Variants in SENP3 observed in about 807,000 individuals in gnomAD.
SENP3 encodes the protein sentrin-specific protease 3.
In SENP3, 11 loss-of-function variants were observed where a neutral mutation model predicts 66.2. The observed-to-expected ratio is 0.17, with a 90% CI of 0.10 to 0.28. The LOEUF (loss-of-function observed/expected upper bound fraction) is 0.28, where lower values mean the gene tolerates loss of function less well. Ranked by LOEUF, SENP3 falls within the 10% of genes least tolerant of loss-of-function variation. The pLI, the probability that SENP3 is intolerant of heterozygous loss-of-function variation, is 1.00. For missense variants in SENP3, 548 were observed against 743.7 expected (o/e 0.74, Z 3.06); for synonymous variants, 292 against 277.6 (o/e 1.05, Z -0.52).
At chr17:7,571,338 G>A (rs1789422922) in intron 10 of SENP3, 35 bp from the exon 11 acceptor site, 1 of 1,462,464 alleles carries the variant, frequency 6.8e-7, no homozygotes, top group Admixed American at 1.7e-5. Context: ...TCCTGACACG[G>A]GGGGTTTCTC....
chr17:7,563,533 C>T lies in SENP3; in HGVS notation c.457C>T (p.Arg153Cys), dbSNP rs2071240989. The T allele has an allele frequency of 6.5e-7, 1 of 1,549,948 alleles. No individual in the cohort carries two copies. Among genetic ancestry groups the T allele is most frequent in the Non-Finnish European group, 8.7e-7 (1 of 1,146,898 alleles). Residue 153 changes from arginine (R) to cysteine (C), a missense_variant, in exon 2 of 11, where the codon CGC (arginine) becomes TGC (cysteine). By Grantham distance (180) the Arg-to-Cys change is radical (BLOSUM62 -3). Around this residue, in one of 6 missense-constraint regions of SENP3, gnomAD observed 12 missense variants for 32.5 expected, o/e 0.37. Coordinates refer to ENST00000321337, the MANE Select transcript of SENP3 (RefSeq NM_015670.6). ...SLTFHWKLWG[R>C]HRGRRRGLAH... ...GACATTCCACTGGAAGCTTTGGGGG[C>T]GCCACCGGGGCCGGCGGCGGGGCCT...
Position 7,570,788 on chromosome 17 carries a change from T to C in SENP3, c.1563+24T>C. On this transcript the variant is annotated intron_variant, in intron 9 of 10. Transcript: ENST00000321337. This position sits in a 1 kb window ranked among gnomAD's most constrained non-coding sequence, Gnocchi z 5.4. ...TGGTGAGTTTCCTGAGGGAGGGGTA[T>C]AGGGTGTTGGTGGGGACAGTGGTAG... The C allele has an allele frequency of 6.2e-7, 1 of 1,606,446 alleles. No individual in the cohort carries two copies. Among genetic ancestry groups the C allele is most frequent in the Non-Finnish European group, 8.5e-7 (1 of 1,175,748 alleles).
At position 7,563,779 on chromosome 17, in the gene SENP3, G is replaced by A; in HGVS notation, c.703G>A (p.Asp235Asn). ...CAGGTGGACTCCAAAGTCTCCTCTG[G>A]ACCCTGACTCGGGTAAGGTGGGAAA... is the stretch of plus-strand genomic sequence containing the variant. ...GLRWTPKSPL[D>N]PDSGLLSCTL... is the part of the protein sequence containing the mutation. The change falls in exon 2 of 11, where the codon GAC becomes AAC. Residue 235 changes from aspartate (D) to asparagine (N), a missense_variant. By Grantham distance (23) the Asp-to-Asn change is conservative (BLOSUM62 1). Coordinates refer to ENST00000321337, the MANE Select transcript of SENP3 (RefSeq NM_015670.6). 1.3e-6 allele frequency: 2 copies of A among 1,509,992 alleles called. No individual in the cohort carries two copies. Among genetic ancestry groups the A allele is most frequent in the Non-Finnish European group, 1.8e-6 (2 of 1,114,930 alleles). 93.5% of individuals were successfully genotyped at this position (1,509,992 alleles called of 1,614,324 possible). A position where few individuals can be genotyped will look rare whatever the true frequency, so the allele number is the denominator to read the frequency against.
At chr17:7,564,130 G>T (rs551973799) in intron 2 of SENP3, among the ~76,000 whole-genome samples, 2 of 152,254 alleles carry the variant, frequency 1.3e-5, no homozygotes, top group East Asian at 3.9e-4. Context: ...AAGAACCCCC[G>T]TGTATACATC....
chr17:7,571,428 C>CTA lies in SENP3; in HGVS notation c.1670_1671insTA (p.Lys558ThrfsTer127). The CTA allele has an allele frequency of 6.2e-7, 1 of 1,608,380 alleles. No individual in the cohort carries two copies. The highest frequency in any genetic ancestry group is 8.5e-7 in the Non-Finnish European group (1 of 1,177,202). On this transcript the variant is annotated frameshift_variant, in exon 11 of 11. Coordinates refer to ENST00000321337, the MANE Select transcript of SENP3 (RefSeq NM_015670.6). LOFTEE classifies it high-confidence loss of function. ...TTCAGCTTCACCCAGCAGGACATGC[C>CTA]CAAACTTCGTCGGCAGATCTACAAG... is the stretch of plus-strand genomic sequence containing the variant.
rs2071312958 is a variant in SENP3, at chr17:7,571,360, T to C, written c.1615-13T>C. The C allele has an allele frequency of 6.2e-7, 1 of 1,604,846 alleles. No individual in the cohort carries two copies. The highest frequency in any genetic ancestry group is 1.7e-5 in the Admixed American group (1 of 59,920). On this transcript the variant is annotated splice_polypyrimidine_tract_variant and intron_variant, in intron 10 of 10. Transcript: ENST00000321337. ...ACGGGGGGTTTCTCATGGCTTGCTT[T>C]GTTAACACCCAGTACTGCAAGCATC...
rs60236248 is a variant in SENP3, at chr17:7,564,403, C to T, written c.716-222C>T. ...GCTAATCCTTTTTCTTTCTTCCTGTCTATGAGTAGGAACTCTCTCTCCATC... is the reference window on the plus strand; with the variant it reads ...GCTAATCCTTTTTCTTTCTTCCTGTTTATGAGTAGGAACTCTCTCTCCATC... On this transcript the variant is annotated intron_variant, in intron 2 of 10. Transcript: ENST00000321337. 401 of 724,832 alleles carry T rather than the reference C, an allele frequency of 5.5e-4. 2 individuals carry two copies. The East Asian group carries it at 8.6e-3, about 16-fold the overall frequency. The allele number at this position is 724,832 out of a possible 1,614,324, so 44.9% of individuals were successfully genotyped here.
Position 7,564,798 on chromosome 17 carries a change from G to A in SENP3, c.889G>A (p.Glu297Lys), listed in dbSNP as rs1363754973. 1 of 1,613,988 alleles carries A rather than the reference G, an allele frequency of 6.2e-7. No homozygotes were observed. Among genetic ancestry groups the A allele is most frequent in the Non-Finnish European group, 8.5e-7 (1 of 1,179,858 alleles). Residue 297 changes from glutamate to lysine, a missense_variant, in exon 3 of 11, where the codon GAG (glutamate) becomes AAG (lysine). Physicochemically the swap from Glu to Lys is moderately conservative, Grantham distance 56 (BLOSUM62 1). Transcript: ENST00000321337. ...GSDLGMAEEA[E>K]RPGEKAGQHS... ...AGATTTGGGCATGGCAGAAGAGGCAGAGAGGCCTGGGGAGAAAGCCGGCCA... is the reference window on the plus strand; with the variant it reads ...AGATTTGGGCATGGCAGAAGAGGCAAAGAGGCCTGGGGAGAAAGCCGGCCA...
chr17:7,569,952 C>T (rs1372974206), intron 7 of SENP3, among the ~76,000 whole-genome samples: 1 of 152,158 alleles, frequency 6.6e-6, no homozygotes, highest in African/African-American at 2.4e-5. Context: ...CTACTATTTA[C>T]ACTCTCTGAC....
At position 7,563,778 on chromosome 17, in the gene SENP3, G is replaced by A. The variant is rs1489488660; in HGVS notation, c.702G>A (p.Leu234=). The change falls in exon 2 of 11, where the codon CTG becomes CTA. Residue 234 remains leucine, a synonymous_variant. Transcript: ENST00000321337. ...DGLRWTPKSP[L]DPDSGLLSCT... is the part of the protein sequence containing the mutation. The stretch of plus-strand genomic sequence containing the variant: ...TCAGGTGGACTCCAAAGTCTCCTCT[G>A]GACCCTGACTCGGGTAAGGTGGGAA... The A allele has an allele frequency of 1.2e-6, 2 of 1,610,810 alleles. No homozygotes were observed. Among genetic ancestry groups the A allele is most frequent in the African/African-American group, 2.7e-5 (2 of 74,788 alleles).
intron 5 of SENP3, 38 bp downstream of exon 5, chr17:7,565,625 CAG>C: frequency 1.2e-6 from 2 of 1,613,304 alleles, no homozygotes; most frequent in Non-Finnish European, 1.7e-6. Flanking sequence ...AGAGGGGATT[CAG>C]GGAGCAGGGT....
In SENP3 at chr17:7,563,585, C is replaced by T. The variant is rs2071241608; in HGVS notation, c.509C>T (p.Pro170Leu). Residue 170 changes from proline to leucine, a missense_variant, in exon 2 of 11, where the codon CCC becomes CTC. Pro to Leu is a moderately conservative substitution (Grantham distance 98, BLOSUM62 -3). Coordinates refer to ENST00000321337, the MANE Select transcript of SENP3 (RefSeq NM_015670.6). ...GCACACCCCAAGAACCATCTTTCACCCCAGCAAGGGGGTGCGACGCCACAG... is the reference window on the plus strand; with the variant it reads ...GCACACCCCAAGAACCATCTTTCACTCCAGCAAGGGGGTGCGACGCCACAG... ...GLAHPKNHLS[P>L]QQGGATPQVP... The T allele has an allele frequency of 6.4e-7, 1 of 1,561,866 alleles. No individual in the cohort carries two copies. Among genetic ancestry groups the T allele is most frequent in the Non-Finnish European group, 8.7e-7 (1 of 1,154,910 alleles).
Position 7,565,557 on chromosome 17 carries a change from C to T in SENP3, c.1185C>T (p.Thr395=), listed in dbSNP as rs751546337. 2 of 1,613,870 alleles carry T rather than the reference C, an allele frequency of 1.2e-6. No individual in the cohort carries two copies. Among genetic ancestry groups the T allele is most frequent in the East Asian group, 2.2e-5 (1 of 44,876 alleles). ...TGCTGACCATGGATGACTTGGGGACCTTGTATGGACAGAACTGGCTCAATG... is the reference window on the plus strand; with the variant it reads ...TGCTGACCATGGATGACTTGGGGACTTTGTATGGACAGAACTGGCTCAATG... ...RHVLTMDDLG[T]LYGQNWLNDQ... Residue 395 remains threonine (T), a synonymous_variant, in exon 5 of 11, where the codon ACC becomes ACT. Transcript: ENST00000321337.
At chr17:7,564,490 G>T in intron 2 of SENP3, 135 bp from the exon 3 acceptor site, 1 of 1,280,966 alleles carries the variant, frequency 7.8e-7, no homozygotes, top group Non-Finnish European at 1.1e-6. Flanking sequence ...CTTGGAGTGG[G>T]ATTGACATTG....
chr17:7,570,563 G>C lies in SENP3; in HGVS notation c.1479+70G>C. The C allele has an allele frequency of 6.3e-7, 1 of 1,576,902 alleles. No homozygotes were observed. The highest frequency in any genetic ancestry group is 8.6e-7 in the Non-Finnish European group (1 of 1,158,882). ...AGTGGCAAGGCATTGCAGGAAGAAGGGTGGGCTTTGGGTCTTTGAGGGGCG... is the reference window on the plus strand; with the variant it reads ...AGTGGCAAGGCATTGCAGGAAGAAGCGTGGGCTTTGGGTCTTTGAGGGGCG... On this transcript the variant is annotated intron_variant, in intron 8 of 10. Coordinates refer to ENST00000321337, the MANE Select transcript of SENP3 (RefSeq NM_015670.6). The surrounding 1 kb of genome is among the most constrained non-coding windows in gnomAD (Gnocchi z 5.4).
In SENP3 at chr17:7,563,447, A is replaced by C; in HGVS notation, c.371A>C (p.Gln124Pro). The C allele has an allele frequency of 6.8e-7, 1 of 1,477,720 alleles. No individual in the cohort carries two copies. The allele number at this position is 1,477,720 out of a possible 1,614,324, so 91.5% of individuals were successfully genotyped here. Residue 124 changes from glutamine to proline, a missense_variant, in exon 2 of 11, where the codon CAG becomes CCG. Transcript: ENST00000321337. Reference sequence around the variant, plus strand: ...CCCACTCATCGAAAAACCTGCTCACAGCGCCGCCGCCGAGCCATGAGAGCC... The same window carrying C: ...CCCACTCATCGAAAAACCTGCTCACCGCGCCGCCGCCGAGCCATGAGAGCC... The part of the protein sequence containing the change: ...SRPTHRKTCS[Q>P]RRRRAMRAFR...
chr17:7,570,282 T>G lies in SENP3; in HGVS notation c.1342-74T>G. 1.3e-6 allele frequency: 2 copies of G among 1,552,132 alleles called. No homozygotes were observed. Among genetic ancestry groups the G allele is most frequent in the South Asian group, 1.2e-5 (1 of 85,138 alleles). ...TTGGTTCCCTTACCTGTGTCTCTGT[T>G]CCTCTCTAGAACCTTCATGGCAAAA... is the stretch of plus-strand genomic sequence containing the variant. On this transcript the variant is annotated intron_variant, in intron 7 of 10. Coordinates refer to ENST00000321337, the MANE Select transcript of SENP3 (RefSeq NM_015670.6). This position sits in a 1 kb window ranked among gnomAD's most constrained non-coding sequence, Gnocchi z 5.4.
At chr17:7,568,936 A>G (rs1298183653) in intron 7 of SENP3, among the ~76,000 whole-genome samples, 3 of 152,144 alleles carry the variant, frequency 2.0e-5, no homozygotes, top group African/African-American at 4.8e-5. Context: ...CATTATCTCC[A>G]GGTAGATAGT....
At position 7,563,655 on chromosome 17, in the gene SENP3, T is replaced by A. The variant is rs2071242557; in HGVS notation, c.579T>A (p.Pro193=). Residue 193 remains proline (P), a synonymous_variant, in exon 2 of 11, where the codon CCT becomes CCA. Coordinates refer to ENST00000321337, the MANE Select transcript of SENP3 (RefSeq NM_015670.6). ...GTTTTGACTCCCCCCGGGGGCCACCTCCACCCCGGCTGGGTCTGCTAGGTG... is the reference window on the plus strand; with the variant it reads ...GTTTTGACTCCCCCCGGGGGCCACCACCACCCCGGCTGGGTCTGCTAGGTG... ...CCRFDSPRGP[P]PPRLGLLGAL... is the part of the protein sequence containing the mutation. 6.2e-7 allele frequency: 1 copy of A among 1,610,646 alleles called. No homozygotes were observed. Among genetic ancestry groups the A allele is most frequent in the Non-Finnish European group, 8.5e-7 (1 of 1,178,678 alleles).
Sources: allele counts gnomAD v4.1 joint callset (sites outside exome capture counted in the v4.1 genomes callset), GRCh38; gene constraint gnomAD v4.1.1; regional missense constraint gnomAD v4.1.1; non-coding constraint Gnocchi (gnomAD v3.1); transcripts MANE v1.5; gene names NCBI Gene and HGNC (gene_info 2026-07-23, HGNC 2026-07-21).